The following GALM variants were observed in gnomAD, a reference collection of about 807,000 sequenced individuals.
GALM encodes galactose mutarotase.
A neutral mutation model predicts 37.4 loss-of-function variants in GALM; 43 were observed. The observed-to-expected ratio is 1.15, with a 90% CI of 0.90 to 1.48. GALM has a LOEUF of 1.48. GALM is among the 40% of genes most tolerant of loss of function. The pLI is 0.00. For missense variants in GALM, 456 were observed against 419.1 expected (o/e 1.09, Z -0.77); for synonymous variants, 199 against 170.6 (o/e 1.17, Z -1.30).
rs973061425 is a variant in GALM, at chr2:38,729,609, C to G, written c.688C>G (p.Leu230Val). Residue 230 changes from leucine to valine, a missense_variant, in exon 5 of 7, where the codon CTT (leucine) becomes GTT (valine). Transcript: ENST00000272252. ...TAFDLRKPVE[L>V]GKHLQDFHLN... ...ATTCGACCTGAGAAAGCCAGTGGAG[C>G]TTGGAAAACACCTGCAGGACTTCCA... 6.2e-7 allele frequency: 1 copy of G among 1,613,324 alleles called. No individual in the cohort carries two copies. Among genetic ancestry groups the G allele is most frequent in the African/African-American group, 1.3e-5 (1 of 75,022 alleles).
At chr2:38,703,315 A>G (rs1665968634) in intron 4 of GALM, among the ~76,000 whole-genome samples, 1 of 150,664 alleles carries the variant, frequency 6.6e-6, no homozygotes, top group Admixed American at 6.7e-5. Context: ...CATGTTGGTC[A>G]GGCTGGTCTC....
At chr2:38,732,044 G>A (rs1196942785) in intron 6 of GALM, 135 bp downstream of exon 6, 2 of 798,116 alleles carry the variant, frequency 2.5e-6, no homozygotes, top group African/African-American at 1.7e-5. Context: ...TTTTGAGACA[G>A]AGTCTCACTC....
rs545289402 is a variant in GALM, at chr2:38,700,561, T to A, written c.634+10667T>A. Among the ~76,000 whole-genome samples, 5 of 152,264 alleles carry A rather than the reference T, an allele frequency of 3.3e-5. No individual in the cohort carries two copies. The South Asian group carries it at 1.0e-3, about 32-fold the overall frequency. On this transcript the variant is annotated intron_variant, in intron 4 of 6. Transcript: ENST00000272252. ...ACAAGTACAGCTACCCTGCTTGCTTTTGGTTTCTGTTTGCATGGAATATCT... is the reference window on the plus strand; with the variant it reads ...ACAAGTACAGCTACCCTGCTTGCTTATGGTTTCTGTTTGCATGGAATATCT...
At chr2:38,685,901 TG>T (rs928062465) in intron 3 of GALM, among the ~76,000 whole-genome samples, 1 of 151,814 alleles carries the variant, frequency 6.6e-6, no homozygotes, top group African/African-American at 2.4e-5. Context: ...TTAGTAGAGA[TG>T]GGGTTTCACC....
At chr2:38,682,319 T>C (rs1665417288) in intron 3 of GALM, 1 of 439,830 alleles carries the variant, frequency 2.3e-6, no homozygotes, top group South Asian at 1.6e-5. Flanking sequence ...ATTATATCTA[T>C]TACTTCCTCT....
Position 38,686,227 on chromosome 2 carries a change from T to TCCTTCCTTCCTTCCTTCCTTCCTTC in GALM, c.553-3585_553-3584insCTTCCTTCCTTCCTTCCTTCCTTCC, listed in dbSNP as rs200153954. ...AAACCACAGAAAGTGGAAATTTCTT[T>TCCTTCCTTCCTTCCTTCCTTCCTTC]CTTTCTTTCTTTCTTTCTTTCTTTC... is the stretch of plus-strand genomic sequence containing the variant. On this transcript the variant is annotated intron_variant, in intron 3 of 6. Coordinates refer to ENST00000272252, the MANE Select transcript of GALM (RefSeq NM_138801.3). Among the ~76,000 whole-genome samples, 4 of 16,354 alleles carry TCCTTCCTTCCTTCCTTCCTTCCTTC rather than the reference T, an allele frequency of 2.4e-4. 1 individual carries two copies. Among genetic ancestry groups the TCCTTCCTTCCTTCCTTCCTTCCTTC allele is most frequent in the East Asian group, 5.4e-3 (2 of 372 alleles). 10.7% of individuals were successfully genotyped at this position (16,354 alleles called of 152,430 possible).
intron 4 of GALM, among the ~76,000 whole-genome samples, chr2:38,713,931 T>C (rs1030664058): frequency 4.6e-5 from 7 of 151,432 alleles, no homozygotes; most frequent in Admixed American, 1.3e-4. Context: ...ATTTACCAGC[T>C]GTGTGATCTA....
intron 4 of GALM, among the ~76,000 whole-genome samples, chr2:38,705,597 A>G (rs1244300216): frequency 1.3e-5 from 2 of 152,196 alleles, no homozygotes; most frequent in Admixed American, 1.3e-4. Context: ...AGAGTACCAA[A>G]GCACAGAATG....
chr2:38,720,439 A>C (rs63400760), intron 4 of GALM, among the ~76,000 whole-genome samples: 1 of 112,140 alleles, frequency 8.9e-6, no homozygotes, highest in African/African-American at 3.4e-5. Flanking sequence ...AAAAAAAAAA[A>C]GGCTGTGGGT....
At chr2:38,715,222 T>C (rs1295063659) in intron 4 of GALM, among the ~76,000 whole-genome samples, 1 of 152,234 alleles carries the variant, frequency 6.6e-6, no homozygotes, top group Non-Finnish European at 1.5e-5. Context: ...AATATCTTTT[T>C]TCATCCCTTC....
chr2:38,668,068 A>G (rs898129594), intron 1 of GALM: 1 of 152,212 alleles, frequency 6.6e-6, no homozygotes. Context: ...ATGGCTGTCC[A>G]TGTTCCATTG....
intron 6 of GALM, among the ~76,000 whole-genome samples, chr2:38,732,667 T>C (rs1329992964): frequency 6.6e-6 from 1 of 152,120 alleles, no homozygotes; most frequent in East Asian, 1.9e-4. Flanking sequence ...ATGCCTGTAA[T>C]CCCAGCACTT....
rs12612526 is a variant in GALM, at chr2:38,710,481, C to G, written c.635-19075C>G. Among the ~76,000 whole-genome samples, 704 of 152,262 alleles carry G rather than the reference C, an allele frequency of 4.6e-3. 23 individuals carry two copies. The East Asian group carries it at 0.065, about 14-fold the overall frequency. ...CTGGCCTACTTCTGGGCCTTGGATC[C>G]TATGTAGCAGGCTTAAGGCATTAGA... On this transcript the variant is annotated intron_variant, in intron 4 of 6. Coordinates refer to ENST00000272252, the MANE Select transcript of GALM (RefSeq NM_138801.3).
chr2:38,703,516 T>C (rs1201583265), intron 4 of GALM, among the ~76,000 whole-genome samples: 1 of 152,038 alleles, frequency 6.6e-6, no homozygotes, highest in Non-Finnish European at 1.5e-5. Context: ...GCCATGAAAA[T>C]TCTCTGGGCC....
chr2:38,723,132 G>A (rs1666417591), intron 4 of GALM, among the ~76,000 whole-genome samples: 1 of 152,108 alleles, frequency 6.6e-6, no homozygotes, highest in Non-Finnish European at 1.5e-5. Context: ...GATAAATAGG[G>A]CACAATTCTT....
chr2:38,733,694 C>G lies in GALM; in HGVS notation c.*129C>G, dbSNP rs1352137288. ...TAAAATCATACAAATGGTGGCTGTT[C>G]TGAGAATCAGTCTGGGTATTGATTT... is the stretch of plus-strand genomic sequence containing the variant. On this transcript the variant is annotated 3_prime_UTR_variant, in exon 7 of 7. Transcript: ENST00000272252. 2.1e-5 allele frequency: 16 copies of G among 751,694 alleles called. No individual in the cohort carries two copies. Among genetic ancestry groups the G allele is most frequent in the Non-Finnish European group, 3.8e-5 (16 of 423,016 alleles). The allele number at this position is 751,694 out of a possible 1,614,324, so 46.6% of individuals were successfully genotyped here. A position where few individuals can be genotyped will look rare whatever the true frequency, so the allele number is the denominator to read the frequency against.
At chr2:38,683,554 C>T (rs1023642189) in intron 3 of GALM, among the ~76,000 whole-genome samples, 14 of 148,126 alleles carry the variant, frequency 9.5e-5, no homozygotes, top group African/African-American at 3.7e-4. Flanking sequence ...TGGAGCATTT[C>T]AGATTTTAGA....
rs796150100 is a variant in GALM, at chr2:38,675,518, G to GGTTTTTTTTTTT, written c.191-394_191-393insGTTTTTTTTTTT. 3.8e-5 allele frequency among the ~76,000 whole-genome samples: 4 copies of GGTTTTTTTTTTT among 104,976 alleles called. 1 individual carries two copies. The highest frequency in any genetic ancestry group is 4.5e-5 in the African/African-American group (1 of 22,196). The allele number at this position is 104,976 out of a possible 152,430, so 68.9% of individuals were successfully genotyped here. ...CATGCAACACACCTTTGGATTGAGG[G>GGTTTTTTTTTTT]TTTTTTTGTTTTTTTTTTTTTTTTT... On this transcript the variant is annotated intron_variant, in intron 1 of 6. Coordinates refer to ENST00000272252, the MANE Select transcript of GALM (RefSeq NM_138801.3).
intron 4 of GALM, among the ~76,000 whole-genome samples, chr2:38,723,369 C>G (rs1266664902): frequency 3.9e-5 from 6 of 152,196 alleles, no homozygotes; most frequent in African/African-American, 1.4e-4. Context: ...CTAAAATGAC[C>G]TGCTGTGACT....
Sources: gnomAD v4.1 joint callset for allele counts (sites outside exome capture counted in the v4.1 genomes callset) on GRCh38, gnomAD v4.1.1 for gene constraint, MANE v1.5 for transcripts, NCBI Gene and HGNC (gene_info 2026-07-23, HGNC 2026-07-21) for gene names.